The following ETS1 variants were observed in gnomAD, a reference collection of about 807,000 sequenced individuals.
ETS1 encodes ETS proto-oncogene 1, transcription factor, also known as protein C-ets-1.
ETS1 carries 15 observed loss-of-function variants against 58.6 expected under a neutral mutation model. That is an observed-to-expected ratio of 0.26 (90% CI 0.17 to 0.39). The LOEUF (loss-of-function observed/expected upper bound fraction) is 0.39. ETS1 is among the 10% of genes least tolerant of loss of function. ETS1 has a pLI of 1.00. For synonymous variants in ETS1, 214 were observed against 218.2 expected (o/e 0.98, Z 0.17); for missense variants, 417 against 610.5 (o/e 0.68, Z 3.34).
intron 3 of ETS1, among the ~76,000 whole-genome samples, chr11:128,539,887 C>T (rs1359612529): frequency 2.0e-5 from 3 of 152,270 alleles, no homozygotes; most frequent in Admixed American, 1.3e-4. Flanking sequence ...TATAACTCTA[C>T]TTATGAGAAT....
chr11:128,572,279 A>T (rs1864652729), intron 2 of ETS1: 1 of 152,042 alleles, frequency 6.6e-6, no homozygotes, highest in Admixed American at 6.5e-5. Context: ...GAAAAAGAAA[A>T]AAATAAATAA....
chr11:128,541,077 G>T (rs1015870021), intron 3 of ETS1, among the ~76,000 whole-genome samples: 6 of 152,128 alleles, frequency 3.9e-5, no homozygotes, highest in African/African-American at 1.2e-4. Flanking sequence ...ACGTGACTGG[G>T]AGGCCTCAGG....
chr11:128,516,175 C>A (rs1863518682), intron 3 of ETS1, among the ~76,000 whole-genome samples: 1 of 152,110 alleles, frequency 6.6e-6, no homozygotes, highest in Admixed American at 6.6e-5. Flanking sequence ...GTAGAAATAG[C>A]CTGTTTATGC....
chr11:128,562,238 G>A (rs974123409), intron 2 of ETS1, among the ~76,000 whole-genome samples: 5 of 152,098 alleles, frequency 3.3e-5, no homozygotes, highest in Admixed American at 1.3e-4. Flanking sequence ...TTGAAACCCC[G>A]GCTCTATTAA....
chr11:128,503,810 C>A (rs1248239311), intron 3 of ETS1, among the ~76,000 whole-genome samples: 1 of 152,156 alleles, frequency 6.6e-6, no homozygotes, highest in Non-Finnish European at 1.5e-5. Context: ...CACATTCTTA[C>A]CCTAAAGCAA....
chr11:128,534,497 G>A (rs1210439420), intron 3 of ETS1, among the ~76,000 whole-genome samples: 2 of 152,064 alleles, frequency 1.3e-5, no homozygotes, highest in East Asian at 3.9e-4. Context: ...ATATGCCATG[G>A]GTGGTTTGCT....
chr11:128,490,385 C>T lies in ETS1; in HGVS notation c.334+72G>A. On this transcript the variant is annotated intron_variant, in intron 4 of 9. Coordinates refer to ENST00000392668, the MANE Select transcript of ETS1 (RefSeq NM_001143820.2). Reference sequence around the variant, plus strand: ...GTTAGTGTAACGTCTGCCTCACACACTCCAGGTGAGAAAATGTGTCTTCCC... The same window carrying T: ...GTTAGTGTAACGTCTGCCTCACACATTCCAGGTGAGAAAATGTGTCTTCCC... The T allele has an allele frequency of 1.9e-6, 3 of 1,542,842 alleles. No homozygotes were observed. In the Middle Eastern group the frequency reaches 5.1e-4, roughly 263 times the overall value.
chr11:128,555,751 A>C (rs1864301827), intron 3 of ETS1, among the ~76,000 whole-genome samples: 1 of 152,224 alleles, frequency 6.6e-6, no homozygotes, highest in African/African-American at 2.4e-5. Flanking sequence ...ATGCAGATCC[A>C]TTGATTTGAG....
intron 2 of ETS1, among the ~76,000 whole-genome samples, chr11:128,557,233 A>C (rs913881498): frequency 3.9e-5 from 6 of 152,196 alleles, no homozygotes; most frequent in African/African-American, 1.4e-4. Flanking sequence ...TAGAAACTGG[A>C]AACATGTACA....
intron 8 of ETS1, among the ~76,000 whole-genome samples, chr11:128,475,854 G>A (rs1417572648): frequency 6.6e-6 from 1 of 150,992 alleles, no homozygotes; most frequent in Non-Finnish European, 1.5e-5. Context: ...CCCGGCCCGG[G>A]GCTTCTTTTC....
chr11:128,564,914 G>C (rs564543936), intron 2 of ETS1, among the ~76,000 whole-genome samples: 1 of 151,644 alleles, frequency 6.6e-6, no homozygotes, highest in Non-Finnish European at 1.5e-5. Context: ...ATGGAGTTTG[G>C]GTTTTTTGTT....
chr11:128,587,360 A>G (rs184216127), intron 1 of ETS1, 128 bp downstream of exon 1: 15 of 152,270 alleles, frequency 9.9e-5, no homozygotes, highest in Non-Finnish European at 1.9e-4. Flanking sequence ...AAGACGTGAA[A>G]AGAGAAAGAG....
chr11:128,467,104 G>A (rs2135415741), intron 8 of ETS1, among the ~76,000 whole-genome samples: 1 of 152,336 alleles, frequency 6.6e-6, no homozygotes. Context: ...GTTGTGGGGA[G>A]CAAGAGAACT....
intron 2 of ETS1, among the ~76,000 whole-genome samples, chr11:128,560,849 G>GT (rs1314723965): frequency 1.3e-5 from 2 of 152,150 alleles, no homozygotes; most frequent in African/African-American, 4.8e-5. Flanking sequence ...AAGTACCAAT[G>GT]TGTAGGGGGA....
chr11:128,478,056 G>A (rs567962037), intron 8 of ETS1, among the ~76,000 whole-genome samples: 147 of 152,212 alleles, frequency 9.7e-4, no homozygotes, highest in African/African-American at 3.3e-3. Flanking sequence ...TATTATTCTC[G>A]CCATCACATG....
At chr11:128,573,343 C>G (rs1020560931) in intron 1 of ETS1, among the ~76,000 whole-genome samples, 199 bp from the exon 2 acceptor site, 6 of 152,178 alleles carry the variant, frequency 3.9e-5, no homozygotes, top group Non-Finnish European at 8.8e-5. Flanking sequence ...AGACCTCAGA[C>G]AGAACCAGTT....
At chr11:128,484,736 GAAAAAAA>G (rs931839918) in intron 7 of ETS1, 80 bp downstream of exon 7, 1 of 1,175,414 alleles carries the variant, frequency 8.5e-7, no homozygotes, top group Non-Finnish European at 1.2e-6. Context: ...TAATAAATAA[GAAAAAAA>G]AAATGGAACC....
chr11:128,532,330 A>T (rs970385067), intron 3 of ETS1, among the ~76,000 whole-genome samples: 13 of 152,228 alleles, frequency 8.5e-5, no homozygotes, highest in Admixed American at 6.5e-4. Context: ...CGGTGCTCTT[A>T]GGACTGCCCT....
chr11:128,561,361 G>C (rs1250444970), intron 2 of ETS1, among the ~76,000 whole-genome samples: 1 of 152,272 alleles, frequency 6.6e-6, no homozygotes, highest in African/African-American at 2.4e-5. Flanking sequence ...GTCAGGAGGA[G>C]AGCTTTGCTG....
Sources: gnomAD v4.1 joint callset for allele counts (sites outside exome capture counted in the v4.1 genomes callset) on GRCh38, gnomAD v4.1.1 for gene constraint, MANE v1.5 for transcripts, NCBI Gene and HGNC (gene_info 2026-07-23, HGNC 2026-07-21) for gene names.